The following DLGAP2 variants were observed in gnomAD, a reference collection of about 807,000 sequenced individuals.
The protein encoded by DLGAP2 is disks large-associated protein 2.
Under a neutral mutation model 100.3 loss-of-function variants are expected in DLGAP2, and 26 were observed. The observed-to-expected ratio is 0.26, with a 90% CI of 0.19 to 0.36. DLGAP2 has a LOEUF of 0.36. Among genes scored for constraint, DLGAP2 ranks in the 10% least tolerant of loss-of-function variants. The pLI is 1.00. For missense variants in DLGAP2, 1,858 were observed against 1,453.2 expected (o/e 1.28, Z -4.53); for synonymous variants, 886 against 630.1 (o/e 1.41, Z -6.08).
intron 3 of DLGAP2, among the ~76,000 whole-genome samples, chr8:1,490,044 A>G (rs754957877): frequency 2.8e-4 from 43 of 151,438 alleles, no homozygotes; most frequent in Non-Finnish European, 5.4e-4. Flanking sequence ...GGCACCTGCC[A>G]CCGCACCCGG....
At chr8:1,021,004 A>G (rs1801609100) in intron 2 of DLGAP2, among the ~76,000 whole-genome samples, 1 of 152,194 alleles carries the variant, frequency 6.6e-6, no homozygotes, top group African/African-American at 2.4e-5. Context: ...TTATAGATAA[A>G]CTAAAAGGAA....
intron 1 of DLGAP2, among the ~76,000 whole-genome samples, chr8:898,390 C>A (rs753305322): frequency 6.6e-6 from 1 of 152,188 alleles, no homozygotes; most frequent in Non-Finnish European, 1.5e-5. Context: ...GGCGTGGTCC[C>A]TGGAAGGCGG....
chr8:848,895 G>A (rs570405231), intron 1 of DLGAP2, among the ~76,000 whole-genome samples: 7 of 136,660 alleles, frequency 5.1e-5, no homozygotes, highest in East Asian at 3.2e-4. Flanking sequence ...ATAGGAACGC[G>A]CGGTGCCTGT....
intron 2 of DLGAP2, among the ~76,000 whole-genome samples, chr8:1,034,032 C>T (rs867920769): frequency 2.8e-5 from 3 of 108,652 alleles, no homozygotes; most frequent in African/African-American, 3.5e-5. Flanking sequence ...TGGATTCACA[C>T]GCTCATCCCG....
chr8:1,087,811 T>C (rs1002033016), intron 2 of DLGAP2, among the ~76,000 whole-genome samples: 1 of 152,202 alleles, frequency 6.6e-6, no homozygotes, highest in Non-Finnish European at 1.5e-5. Context: ...ACCCTCCTGC[T>C]CCCTCTGTCC....
chr8:1,571,493 G>A (rs1802678159), intron 6 of DLGAP2, among the ~76,000 whole-genome samples: 1 of 145,308 alleles, frequency 6.9e-6, no homozygotes, highest in Admixed American at 6.8e-5. Flanking sequence ...AGATGGAGAG[G>A]AGAAAGGGGT....
chr8:1,570,257 G>A (rs1563227558), intron 6 of DLGAP2, among the ~76,000 whole-genome samples: 1 of 152,196 alleles, frequency 6.6e-6, no homozygotes, highest in Non-Finnish European at 1.5e-5. Context: ...TGTTAACTGT[G>A]CTGGGAACGA....
intron 3 of DLGAP2, among the ~76,000 whole-genome samples, chr8:1,377,647 G>A (rs1331261804): frequency 6.6e-6 from 1 of 152,236 alleles, no homozygotes; most frequent in African/African-American, 2.4e-5. Flanking sequence ...AACCCAGTGT[G>A]CCCTGAGGGC....
At chr8:1,535,393 G>T (rs1253961972) in intron 4 of DLGAP2, among the ~76,000 whole-genome samples, 1 of 152,222 alleles carries the variant, frequency 6.6e-6, no homozygotes, top group African/African-American at 2.4e-5. Flanking sequence ...AACATGAAAT[G>T]CGCTTGCCTG....
chr8:741,145 A>G (rs1315745286), intron 1 of DLGAP2, among the ~76,000 whole-genome samples: 1 of 152,260 alleles, frequency 6.6e-6, no homozygotes, highest in African/African-American at 2.4e-5. Flanking sequence ...TGTGCGTACA[A>G]AAACTGAGCA....
intron 3 of DLGAP2, among the ~76,000 whole-genome samples, chr8:1,483,664 G>GCAGGGAGGCAGGTGCAGGAGGGGGGGAC (rs1799163499): frequency 3.3e-5 from 4 of 121,996 alleles, no homozygotes; most frequent in African/African-American, 1.4e-4. Flanking sequence ...TCTACACAGA[G>GCAGGGAGGCAGGTGCAGGAGGGGGGGAC]CAGGGAGGCA....
At chr8:915,655 G>T (rs1223174283) in intron 2 of DLGAP2, among the ~76,000 whole-genome samples, 3 of 152,154 alleles carry the variant, frequency 2.0e-5, no homozygotes, top group African/African-American at 7.2e-5. Flanking sequence ...CACACGGCTG[G>T]TCATGCGTTT....
intron 1 of DLGAP2, among the ~76,000 whole-genome samples, chr8:822,860 C>T: frequency 6.6e-6 from 1 of 152,156 alleles, no homozygotes; most frequent in East Asian, 1.9e-4. Context: ...GGGCCATGCC[C>T]ACCTCCTGCA....
chr8:1,660,802 T>G (rs1402617638), intron 8 of DLGAP2, among the ~76,000 whole-genome samples: 1 of 152,232 alleles, frequency 6.6e-6, no homozygotes, highest in Non-Finnish European at 1.5e-5. Flanking sequence ...CCTCAGATGA[T>G]CAATCAAAAC....
At chr8:1,214,730 G>A (rs1448590811) in intron 2 of DLGAP2, among the ~76,000 whole-genome samples, 1 of 152,226 alleles carries the variant, frequency 6.6e-6, no homozygotes, top group African/African-American at 2.4e-5. Context: ...GACACAGCAG[G>A]TGTGCCTTAA....
chr8:1,076,827 C>G lies in DLGAP2; in HGVS notation c.73+168861C>G, dbSNP rs554132166. Among the ~76,000 whole-genome samples, 27 of 151,424 alleles carry G rather than the reference C, an allele frequency of 1.8e-4. No individual in the cohort carries two copies. The South Asian group carries it at 5.3e-3, about 30-fold the overall frequency. On this transcript the variant is annotated intron_variant, in intron 2 of 14. Coordinates refer to ENST00000637795, the MANE Select transcript of DLGAP2 (RefSeq NM_001346810.2). ...AGGAGGAGTCTGTCCCAGGCCCCCC[C>G]CCAAGACCAAGAGGGGGAGGAGGAG...
At chr8:1,385,741 G>A (rs1204328654) in intron 3 of DLGAP2, among the ~76,000 whole-genome samples, 1 of 138,394 alleles carries the variant, frequency 7.2e-6, no homozygotes, top group South Asian at 2.4e-4. Context: ...TTGGTGCACA[G>A]TTACCCCGGC....
intron 6 of DLGAP2, among the ~76,000 whole-genome samples, chr8:1,575,872 G>C (rs987705054): frequency 6.6e-6 from 1 of 151,926 alleles, no homozygotes; most frequent in Non-Finnish European, 1.5e-5. Context: ...TATCATTGAT[G>C]GACATTTGGG....
intron 3 of DLGAP2, among the ~76,000 whole-genome samples, chr8:1,443,449 T>C (rs1797895810): frequency 6.6e-6 from 1 of 152,218 alleles, no homozygotes; most frequent in South Asian, 2.1e-4. Flanking sequence ...ACTTAATGCT[T>C]CATGAATATA....
Sources: gnomAD v4.1 joint callset for allele counts (sites outside exome capture counted in the v4.1 genomes callset) on GRCh38, gnomAD v4.1.1 for gene constraint, MANE v1.5 for transcripts, NCBI Gene and HGNC (gene_info 2026-07-23, HGNC 2026-07-21) for gene names.